Variants in ABCC1 observed in about 807,000 individuals in gnomAD.
ABCC1 encodes the protein multidrug resistance-associated protein 1.
In ABCC1, 83 loss-of-function variants were observed where a neutral mutation model predicts 172.9. The observed-to-expected ratio is 0.48, with a 90% confidence interval of 0.40 to 0.58. ABCC1 has a LOEUF of 0.58. Ranked by LOEUF, ABCC1 falls within the 20% of genes least tolerant of loss-of-function variation. The pLI is 0.00. For synonymous variants in ABCC1, 937 were observed against 825.2 expected (o/e 1.14, Z -2.32); for missense variants, 1,817 against 2,002.7 (o/e 0.91, Z 1.77).
intron 8 of ABCC1, among the ~76,000 whole-genome samples, chr16:16,045,108 A>C (rs2049148477): frequency 1.3e-5 from 2 of 152,088 alleles, no homozygotes; most frequent in South Asian, 4.1e-4. Flanking sequence ...CTCATGAAAA[A>C]ACTGCAACCA....
At chr16:16,077,043 C>G (rs1008992803) in intron 15 of ABCC1, among the ~76,000 whole-genome samples, 1 of 152,180 alleles carries the variant, frequency 6.6e-6, no homozygotes, top group African/African-American at 2.4e-5. Context: ...GCACCCCACA[C>G]CCTACAGTCC....
rs187991327 is a variant in ABCC1 at position 16,065,998 on chromosome 16, G to C, written c.1678-2158G>C. On this transcript the variant is annotated intron_variant, in intron 12 of 30. Coordinates refer to ENST00000399410, the MANE Select transcript of ABCC1 (RefSeq NM_004996.4). Reference sequence around the variant, plus strand: ...GTGGGTTTTTTGTATAAATGATAATGACAATCACCACTAATTCCAGGACGT... The same window carrying C: ...GTGGGTTTTTTGTATAAATGATAATCACAATCACCACTAATTCCAGGACGT... Among the ~76,000 whole-genome samples, 6 of 152,116 alleles carry C rather than the reference G, an allele frequency of 3.9e-5. No homozygotes were observed. The East Asian group carries it at 1.2e-3, about 30-fold the overall frequency.
At chr16:16,135,213 G>A (rs1373581521) in intron 28 of ABCC1, among the ~76,000 whole-genome samples, 3 of 152,190 alleles carry the variant, frequency 2.0e-5, no homozygotes, top group Admixed American at 6.5e-5. Context: ...GGCTTGTTAC[G>A]TGGGTATATT....
chr16:15,985,041 C>T lies in ABCC1; in HGVS notation c.49-22775C>T, dbSNP rs140140012. Among the ~76,000 whole-genome samples the T allele has an allele frequency of 2.7e-3, 416 of 152,070 alleles. 2 individuals carry two copies. Among genetic ancestry groups the T allele is most frequent in the African/African-American group, 8.9e-3 (371 of 41,512 alleles). ...TTGCTTGAGCCTGGTAGGTAGAGGC[C>T]GCAGTGAGCCATGATCACGCCACTG... On this transcript the variant is annotated intron_variant, in intron 1 of 30. Transcript: ENST00000399410.
At chr16:16,012,526 G>A (rs1300884192) in intron 3 of ABCC1, among the ~76,000 whole-genome samples, 1 of 150,566 alleles carries the variant, frequency 6.6e-6, no homozygotes, top group Admixed American at 6.6e-5. Context: ...ATAGAGACAG[G>A]GTCTTTCCAT....
chr16:16,106,380 C>CTT (rs201300893), intron 20 of ABCC1: 2 of 132,186 alleles, frequency 1.5e-5, no homozygotes, highest in Non-Finnish European at 3.1e-5. Flanking sequence ...CTTTTATTGG[C>CTT]TTTTTTTTTT....
Position 16,136,642 on chromosome 16 carries a change from C to T in ABCC1, c.4290C>T (p.Leu1430=), listed in dbSNP as rs2045928929. ...DHECAEGGEN[L]SVGQRQLVCL... ...AATGTGCAGAAGGCGGGGAGAACCT[C>T]AGGTAGGCGGGGGTGAACAAGGAGA... Residue 1430 remains leucine (L), a splice_region_variant and synonymous_variant, in exon 29 of 31, where the codon CTC becomes CTT. Transcript: ENST00000399410. The T allele has an allele frequency of 6.2e-7, 1 of 1,613,932 alleles. No homozygotes were observed. Among genetic ancestry groups the T allele is most frequent in the Non-Finnish European group, 8.5e-7 (1 of 1,179,942 alleles).
rs147813673 is a variant in ABCC1 at position 16,008,603 on chromosome 16, C to T, written c.225+611C>T. The stretch of plus-strand genomic sequence containing the variant: ...GGCGTGGTGGCTCACGCCTGTAATC[C>T]CAGCACTTTGGGAGGCCAAGGCGGG... On this transcript the variant is annotated intron_variant, in intron 2 of 30. Transcript: ENST00000399410. Among the ~76,000 whole-genome samples, 7 of 151,474 alleles carry T rather than the reference C, an allele frequency of 4.6e-5. No individual in the cohort carries two copies. In the East Asian group the frequency reaches 1.4e-3, roughly 30 times the overall value.
chr16:16,013,781 G>A (rs2047887480), intron 3 of ABCC1, among the ~76,000 whole-genome samples: 1 of 152,166 alleles, frequency 6.6e-6, no homozygotes, highest in African/African-American at 2.4e-5. Context: ...GCCTGAGAAT[G>A]AGCAAGTTGT....
chr16:16,094,001 T>TTA (rs869148726), intron 19 of ABCC1, among the ~76,000 whole-genome samples: 3 of 120,612 alleles, frequency 2.5e-5, no homozygotes, highest in African/African-American at 9.0e-5. Context: ...TTTTTTTTTT[T>TTA]AACTTTTAAT....
rs562267363 is a variant in ABCC1, at chr16:16,081,639, A to G, written c.2116-1727A>G. 7.9e-5 allele frequency among the ~76,000 whole-genome samples: 12 copies of G among 152,326 alleles called. No homozygotes were observed. The South Asian group carries it at 1.9e-3, about 24-fold the overall frequency. The stretch of plus-strand genomic sequence containing the variant: ...TTTTAAAAGTTAGGATATTCAAGTC[A>G]GCAGGTTAATTATTTGAGAATTTAG... On this transcript the variant is annotated intron_variant, in intron 16 of 30. Transcript: ENST00000399410.
chr16:15,982,824 A>AAAAAAAAAAAAAAG (rs2046655505), intron 1 of ABCC1, among the ~76,000 whole-genome samples: 2 of 144,738 alleles, frequency 1.4e-5, no homozygotes, highest in Non-Finnish European at 3.0e-5. Flanking sequence ...AAAAAAAAAA[A>AAAAAAAAAAAAAAG]GGAAATCCAT....
chr16:16,015,863 G>A (rs542628559), intron 4 of ABCC1, among the ~76,000 whole-genome samples: 2 of 152,100 alleles, frequency 1.3e-5, no homozygotes, highest in Non-Finnish European at 2.9e-5. Context: ...ATCACCCCTG[G>A]TTAAGAACCA....
At chr16:16,042,942 CCCT>C (rs1332038844) in intron 7 of ABCC1, among the ~76,000 whole-genome samples, 5 of 151,430 alleles carry the variant, frequency 3.3e-5, no homozygotes, top group African/African-American at 7.3e-5. Flanking sequence ...CATTGCAACC[CCCT>C]CCTCCTCCTG....
At chr16:16,045,665 C>A (rs1163397743) in intron 8 of ABCC1, among the ~76,000 whole-genome samples, 171 bp from the exon 9 acceptor site, 2 of 152,160 alleles carry the variant, frequency 1.3e-5, no homozygotes, top group Non-Finnish European at 1.5e-5. Flanking sequence ...CAGTTTGGGT[C>A]ACCTGCACAG....
At chr16:16,092,692 T>A (rs2051304242) in intron 19 of ABCC1, among the ~76,000 whole-genome samples, 1 of 152,176 alleles carries the variant, frequency 6.6e-6, no homozygotes, top group African/African-American at 2.4e-5. Context: ...CTGGTGGTTT[T>A]AAAGGAAAAG....
At chr16:16,031,314 C>T (rs1009410859) in intron 5 of ABCC1, among the ~76,000 whole-genome samples, 4 of 152,176 alleles carry the variant, frequency 2.6e-5, no homozygotes, top group African/African-American at 9.7e-5. Context: ...GACCTCTCTT[C>T]CCTCTGCTGC....
intron 10 of ABCC1, among the ~76,000 whole-genome samples, chr16:16,052,507 G>T (rs1202116786): frequency 6.6e-6 from 1 of 152,138 alleles, no homozygotes; most frequent in Admixed American, 6.5e-5. Flanking sequence ...AGAAAGGAGC[G>T]TGGACCTGCT....
At chr16:16,104,763 G>A (rs976241352) in intron 20 of ABCC1, among the ~76,000 whole-genome samples, 1 of 152,164 alleles carries the variant, frequency 6.6e-6, no homozygotes, top group Non-Finnish European at 1.5e-5. Flanking sequence ...AGCCCATAGC[G>A]GGGAGGTGGG....
Sources: allele counts gnomAD v4.1 joint callset (sites outside exome capture counted in the v4.1 genomes callset), GRCh38; gene constraint gnomAD v4.1.1; transcripts MANE v1.5; gene names NCBI Gene and HGNC (gene_info 2026-07-23, HGNC 2026-07-21).